SESN1: variants seen among roughly 807,000 people sequenced by gnomAD.
The protein encoded by SESN1 is sestrin-1.
A neutral mutation model predicts 59.3 loss-of-function variants in SESN1; 30 were observed. The observed-to-expected ratio is 0.51, with a 90% confidence interval of 0.38 to 0.69. SESN1 has a LOEUF of 0.69. Among genes scored for constraint, SESN1 ranks in the 30% least tolerant of loss-of-function variants. SESN1 has a pLI of 0.00. For missense variants in SESN1, 566 were observed against 673.0 expected (o/e 0.84, Z 1.76); for synonymous variants, 197 against 219.9 (o/e 0.90, Z 0.92).
At chr6:109,093,117 A>G (rs758161159) in intron 1 of SESN1, among the ~76,000 whole-genome samples, 1 of 152,190 alleles carries the variant, frequency 6.6e-6, no homozygotes, top group Non-Finnish European at 1.5e-5. Flanking sequence ...GAAATGGAGG[A>G]AAAACTATAA....
chr6:109,008,917 G>A (rs951731082), intron 1 of SESN1: 58 of 988,038 alleles, frequency 5.9e-5, no homozygotes, highest in Non-Finnish European at 7.0e-5. Context: ...GAGGCAAAGG[G>A]GATGAAGGTG....
intron 1 of SESN1, among the ~76,000 whole-genome samples, chr6:109,015,414 A>G (rs117412830): frequency 0.092 from 13,975 of 152,264 alleles, 867 homozygotes; most frequent in Middle Eastern, 0.19. Context: ...CAAGTCAGAC[A>G]CTGCCTGTGT....
chr6:109,057,025 T>C (rs991767250), intron 1 of SESN1, among the ~76,000 whole-genome samples: 4 of 152,196 alleles, frequency 2.6e-5, no homozygotes, highest in African/African-American at 9.7e-5. Context: ...TTGAACCCTG[T>C]AGAGAGATCC....
At chr6:109,047,053 C>G (rs1414253699) in intron 1 of SESN1, among the ~76,000 whole-genome samples, 3 of 1,956 alleles carry the variant, frequency 1.5e-3, no homozygotes, top group Admixed American at 4.6e-3. Flanking sequence ...GGGGGTCAGC[C>G]CTCCACCCGG....
chr6:108,993,006 C>A, intron 6 of SESN1, 107 bp from the exon 7 acceptor site: 1 of 654,968 alleles, frequency 1.5e-6, no homozygotes, highest in Non-Finnish European at 2.7e-6. Flanking sequence ...TACTGAGTGA[C>A]CAATATCAAC....
At chr6:109,026,415 C>G in intron 1 of SESN1, among the ~76,000 whole-genome samples, 1 of 152,234 alleles carries the variant, frequency 6.6e-6, no homozygotes, top group Non-Finnish European at 1.5e-5. Context: ...ACATTCTGTA[C>G]GAATTCTGAA....
At chr6:109,008,376 A>AT (rs773828935) in intron 1 of SESN1, among the ~76,000 whole-genome samples, 48 of 152,222 alleles carry the variant, frequency 3.2e-4, no homozygotes, top group Non-Finnish European at 5.7e-4. Flanking sequence ...ACTGTAAGAG[A>AT]TTTTTAAAGA....
chr6:108,989,866 T>C (rs1279185961), intron 8 of SESN1, among the ~76,000 whole-genome samples: 3 of 152,024 alleles, frequency 2.0e-5, no homozygotes, highest in Non-Finnish European at 4.4e-5. Context: ...GAGTTTTCAG[T>C]GGAAAGGGGA....
At chr6:109,043,880 CAT>C (rs1198137384) in intron 1 of SESN1, among the ~76,000 whole-genome samples, 1 of 152,156 alleles carries the variant, frequency 6.6e-6, no homozygotes, top group Non-Finnish European at 1.5e-5. Flanking sequence ...CTAGAACAGT[CAT>C]ACTAACTGTT....
intron 1 of SESN1, among the ~76,000 whole-genome samples, chr6:109,052,358 G>C (rs1780554938): frequency 6.6e-6 from 1 of 152,158 alleles, no homozygotes; most frequent in East Asian, 1.9e-4. Context: ...AGACTATATT[G>C]ATATAAATAT....
chr6:109,085,899 T>C (rs1248393873), intron 1 of SESN1, among the ~76,000 whole-genome samples: 2 of 152,184 alleles, frequency 1.3e-5, no homozygotes, highest in African/African-American at 4.8e-5. Context: ...CAGCATCAAC[T>C]CTGTTCTTCC....
At chr6:108,997,226 C>G (rs997943136) in intron 5 of SESN1, among the ~76,000 whole-genome samples, 1 of 152,160 alleles carries the variant, frequency 6.6e-6, no homozygotes, top group Non-Finnish European at 1.5e-5. Flanking sequence ...TATCTTCTTT[C>G]ACTATTCATT....
rs750084427 is a variant in SESN1 at position 109,093,951 on chromosome 6, C to T, written c.123G>A (p.Ser41=). The stretch of plus-strand genomic sequence containing the variant: ...ATGGACGATGAGGTGTTTCTTTCAC[C>T]GAACGAAGATACTCGGTTTTCCTCA... ...TILRKTEYLR[S]VKETPHRPSD... is the part of the protein sequence containing the mutation. Residue 41 remains serine (S), a synonymous_variant, in exon 1 of 10, where the codon TCG becomes TCA. Coordinates refer to ENST00000436639, the MANE Select transcript of SESN1 (RefSeq NM_014454.3). The T allele has an allele frequency of 1.9e-5, 31 of 1,614,152 alleles. No individual in the cohort carries two copies. In the East Asian group the frequency reaches 2.9e-4, roughly 15 times the overall value.
chr6:109,005,604 C>CA (rs1375703178), intron 1 of SESN1, among the ~76,000 whole-genome samples: 3 of 152,084 alleles, frequency 2.0e-5, no homozygotes, highest in African/African-American at 7.2e-5. Flanking sequence ...GCTTGAGAAA[C>CA]AGAGTATTTC....
Position 108,985,444 on chromosome 6 carries a change from A to G in SESN1, c.*2100T>C, listed in dbSNP as rs1011149272. On this transcript the variant is annotated 3_prime_UTR_variant, in exon 10 of 10. Coordinates refer to ENST00000436639, the MANE Select transcript of SESN1 (RefSeq NM_014454.3). ...TTGGAAACTACTGGTTTCAAAGATT[A>G]TATAGTAACATTAGAAATCCTGTGT... Among the ~76,000 whole-genome samples, 3 of 152,240 alleles carry G rather than the reference A, an allele frequency of 2.0e-5. No individual in the cohort carries two copies. Among genetic ancestry groups the G allele is most frequent in the African/African-American group, 7.2e-5 (3 of 41,462 alleles).
intron 1 of SESN1, among the ~76,000 whole-genome samples, chr6:109,005,202 T>C (rs1779708778): frequency 6.6e-6 from 1 of 152,202 alleles, no homozygotes; most frequent in Admixed American, 6.5e-5. Flanking sequence ...TCAATAAAGT[T>C]CAGCATGACC....
chr6:108,986,776 C>G lies in SESN1; in HGVS notation c.*768G>C, dbSNP rs1779208861. On this transcript the variant is annotated 3_prime_UTR_variant, in exon 10 of 10. Coordinates refer to ENST00000436639, the MANE Select transcript of SESN1 (RefSeq NM_014454.3). ...AAGTAATGCACAAGACAGCTGCCCT[C>G]CAGTGTCAGGATCCTGTGAAACAGC... The G allele has an allele frequency of 3.9e-5, 6 of 152,204 alleles. No homozygotes were observed. Among genetic ancestry groups the G allele is most frequent in the Admixed American group, 2.6e-4 (4 of 15,282 alleles). The allele number at this position is 152,204 out of a possible 1,614,324, so 9.4% of individuals were successfully genotyped here.
In SESN1 at chr6:109,093,820, C is replaced by A. The variant is rs137909111; in HGVS notation, c.254G>T (p.Ser85Ile). Residue 85 changes from serine to isoleucine, a missense_variant, in exon 1 of 10, where the codon AGT becomes ATT. By Grantham distance (142) the Ser-to-Ile change is moderately radical. Coordinates refer to ENST00000436639, the MANE Select transcript of SESN1 (RefSeq NM_014454.3). Reference protein sequence around the residue: ...RCPFKDVREKSEFILKSIQEL... With the variant: ...RCPFKDVREKIEFILKSIQEL... ...CTGGATGCTCTTCAGAATAAACTCACTTTTCTCTCTCACATCTTTGAAGGG... is the reference window on the plus strand; with the variant it reads ...CTGGATGCTCTTCAGAATAAACTCAATTTTCTCTCTCACATCTTTGAAGGG... 1 of 1,614,042 alleles carries A rather than the reference C, an allele frequency of 6.2e-7. No homozygotes were observed. Among genetic ancestry groups the A allele is most frequent in the South Asian group, 1.1e-5 (1 of 91,086 alleles).
chr6:109,004,041 G>A (rs1037687730), intron 1 of SESN1, among the ~76,000 whole-genome samples: 10 of 152,046 alleles, frequency 6.6e-5, no homozygotes, highest in African/African-American at 2.4e-4. Context: ...TCAAATGGGG[G>A]AAAATGAATT....
Sources: allele counts gnomAD v4.1 joint callset (sites outside exome capture counted in the v4.1 genomes callset), GRCh38; gene constraint gnomAD v4.1.1; transcripts MANE v1.5; gene names NCBI Gene and HGNC (gene_info 2026-07-23, HGNC 2026-07-21).